Variants in RABGEF1 observed in about 807,000 individuals in gnomAD.
The protein encoded by RABGEF1 is RAB guanine nucleotide exchange factor 1.
RABGEF1 carries 26 observed loss-of-function variants against 57.3 expected under a neutral mutation model. The ratio of observed to expected loss-of-function variants is 0.45; its 90% CI spans 0.33 to 0.63. RABGEF1 has a LOEUF of 0.63. RABGEF1 is among the 20% of genes least tolerant of loss of function. RABGEF1 has a pLI of 0.02. For missense variants in RABGEF1, 464 were observed against 607.6 expected, an observed-to-expected ratio of 0.76 and a Z score of 2.48; for synonymous variants, 185 against 210.7, an observed-to-expected ratio of 0.88 and a Z score of 1.06.
intron 4 of RABGEF1, among the ~76,000 whole-genome samples, chr7:66,791,940 T>G (rs1812763579): frequency 6.6e-6 from 1 of 152,076 alleles, no homozygotes; most frequent in Non-Finnish European, 1.5e-5. Context: ...GGTGAAACCC[T>G]GTCTCTACTA....
Position 66,808,988 on chromosome 7 carries a change from C to T in RABGEF1, c.1180C>T (p.Gln394Ter). 3.1e-6 allele frequency: 5 copies of T among 1,614,122 alleles called. No homozygotes were observed. The highest frequency in any genetic ancestry group is 4.2e-6 in the Non-Finnish European group (5 of 1,180,030). Residue 394 changes from glutamine to a stop codon, truncating the protein, a stop_gained, in exon 9 of 9, where the codon CAA becomes TAA. Coordinates refer to ENST00000284957, the MANE Select transcript of RABGEF1 (RefSeq NM_014504.3). LOFTEE classifies it high-confidence loss of function. ...YMSGQTSPRK[Q>*]EAESWSPDAC... ...GTCTGGCCAGACCTCTCCCAGGAAG[C>T]AAGAAGCTGAGAGTTGGTCTCCTGA...
chr7:66,763,442 T>G (rs1298444191), intron 1 of RABGEF1, among the ~76,000 whole-genome samples: 1 of 152,224 alleles, frequency 6.6e-6, no homozygotes, highest in Non-Finnish European at 1.5e-5. Flanking sequence ...ATTAGTCTCC[T>G]CCAGCTTCAA....
rs74897852 is a variant in RABGEF1 at position 66,778,558 on chromosome 7, C to T, written c.346+3165C>T. On this transcript the variant is annotated intron_variant, in intron 3 of 8. Coordinates refer to ENST00000284957, the MANE Select transcript of RABGEF1 (RefSeq NM_014504.3). Reference sequence around the variant, plus strand: ...CAAGTAGAATCTTGTGTACCTCTTTCATGAACGGATCTGAAGACGGTGATT... The same window carrying T: ...CAAGTAGAATCTTGTGTACCTCTTTTATGAACGGATCTGAAGACGGTGATT... Among the ~76,000 whole-genome samples, 179 of 152,316 alleles carry T rather than the reference C, an allele frequency of 1.2e-3. 1 individual carries two copies. The Middle Eastern group carries it at 0.037, about 32-fold the overall frequency.
At chr7:66,711,366 T>G (rs540476325) in intron 1 of RABGEF1, among the ~76,000 whole-genome samples, 1 of 152,268 alleles carries the variant, frequency 6.6e-6, no homozygotes, top group East Asian at 1.9e-4. Context: ...CTTCTTAAAG[T>G]TTTAGTCTTA....
intron 1 of RABGEF1, among the ~76,000 whole-genome samples, chr7:66,704,272 T>C (rs1793694556): frequency 6.6e-6 from 1 of 152,178 alleles, no homozygotes; most frequent in Admixed American, 6.6e-5. Context: ...ATTTCTTAAT[T>C]AACCACTCTT....
chr7:66,696,771 C>T (rs911267009), intron 1 of RABGEF1, among the ~76,000 whole-genome samples: 1 of 151,174 alleles, frequency 6.6e-6, no homozygotes, highest in African/African-American at 2.4e-5. Flanking sequence ...CATGGGAGAG[C>T]AAAAGGAAGT....
chr7:66,747,912 A>T (rs1452944271), intron 1 of RABGEF1, among the ~76,000 whole-genome samples: 1 of 152,194 alleles, frequency 6.6e-6, no homozygotes, highest in African/African-American at 2.4e-5. Flanking sequence ...TTGGTAACAT[A>T]ACAGATAAGT....
At chr7:66,677,362 A>C (rs1160924331), upstream of RABGEF1, among the ~76,000 whole-genome samples, 1 of 152,192 alleles carries the variant, frequency 6.6e-6, no homozygotes, top group Non-Finnish European at 1.5e-5. Context: ...ACTTGAGGCC[A>C]TAAGTTTGAG....
chr7:66,706,447 G>A (rs895666862), intron 1 of RABGEF1, among the ~76,000 whole-genome samples: 10 of 151,894 alleles, frequency 6.6e-5, no homozygotes, highest in Admixed American at 5.3e-4. Context: ...GTCTCGCTCC[G>A]TCCCCAGGCT....
intron 1 of RABGEF1, among the ~76,000 whole-genome samples, chr7:66,752,017 A>AC (rs1360701778): frequency 6.6e-6 from 1 of 151,502 alleles, no homozygotes. Context: ...GGCAACAAAG[A>AC]CCCCATCTAT....
At chr7:66,782,857 T>G (rs1810292988) in intron 3 of RABGEF1, among the ~76,000 whole-genome samples, 1 of 152,200 alleles carries the variant, frequency 6.6e-6, no homozygotes, top group Non-Finnish European at 1.5e-5. Flanking sequence ...ATGGGGAACT[T>G]AATTTCCTTA....
chr7:66,706,672 C>T (rs1221255162), intron 1 of RABGEF1, among the ~76,000 whole-genome samples: 1 of 151,724 alleles, frequency 6.6e-6, no homozygotes, highest in East Asian at 1.9e-4. Flanking sequence ...CCTCGGCCTC[C>T]CAAAGTGCTA....
At chr7:66,676,348 G>A in the RABGEF1 span, among the ~76,000 whole-genome samples, 3 of 152,036 alleles carry the variant, frequency 2.0e-5, no homozygotes, top group African/African-American at 7.2e-5. Context: ...CAGAGGATTT[G>A]TTCCAGGATG....
intron 1 of RABGEF1, among the ~76,000 whole-genome samples, chr7:66,688,111 A>T (rs1790975072): frequency 6.8e-6 from 1 of 146,792 alleles, no homozygotes; most frequent in Non-Finnish European, 1.5e-5. Flanking sequence ...AAAAAAAGTA[A>T]CCAAATGACA....
At chr7:66,787,503 C>T (rs372652221) in intron 4 of RABGEF1, among the ~76,000 whole-genome samples, 2 of 151,858 alleles carry the variant, frequency 1.3e-5, no homozygotes, top group African/African-American at 2.4e-5. Flanking sequence ...ACCACCATGC[C>T]GAGCTAATTT....
At chr7:66,739,293 A>G (rs112294780), upstream of RABGEF1, among the ~76,000 whole-genome samples, 427 of 152,066 alleles carry the variant, frequency 2.8e-3, 1 homozygote, top group African/African-American at 9.9e-3. Flanking sequence ...CGTAGCACAC[A>G]TTAGGCACTT....
intron 4 of RABGEF1, among the ~76,000 whole-genome samples, chr7:66,787,370 G>C (rs1811457870): frequency 1.6e-5 from 2 of 127,658 alleles, no homozygotes; most frequent in South Asian, 5.1e-4. Context: ...TTAAGATAGA[G>C]TCTTGCTCTG....
At chr7:66,694,025 T>C (rs144908253) in intron 1 of RABGEF1, among the ~76,000 whole-genome samples, 2,220 of 152,254 alleles carry the variant, frequency 0.015, 61 homozygotes, top group East Asian at 0.092. Context: ...GCCAGGCTGG[T>C]CTCGAACTCC....
At chr7:66,681,952 G>C (rs979104657), upstream of RABGEF1, among the ~76,000 whole-genome samples, 2 of 152,174 alleles carry the variant, frequency 1.3e-5, no homozygotes, top group Non-Finnish European at 2.9e-5. Flanking sequence ...CCCAGCTTTA[G>C]CGCGGAGGCT....
Sources: allele counts gnomAD v4.1 joint callset (sites outside exome capture counted in the v4.1 genomes callset), GRCh38; gene constraint gnomAD v4.1.1; transcripts MANE v1.5; gene names NCBI Gene and HGNC (gene_info 2026-07-23, HGNC 2026-07-21).